Variants in GBE1 observed in about 807,000 individuals in gnomAD.
The protein encoded by GBE1 is 1,4-alpha-glucan branching enzyme 1.
In GBE1, 70 loss-of-function variants were observed where a neutral mutation model predicts 88.8. The ratio of observed to expected loss-of-function variants is 0.79; its 90% CI spans 0.65 to 0.96. The LOEUF (loss-of-function observed/expected upper bound fraction) is 0.96, where lower values mean the gene tolerates loss of function less well. GBE1 is among the 40% of genes least tolerant of loss of function. GBE1 has a pLI of 0.00. For synonymous variants in GBE1, 284 were observed against 300.1 expected, an observed-to-expected ratio of 0.95 and a Z score of 0.56; for missense variants, 872 against 871.0, an observed-to-expected ratio of 1.00 and a Z score of -0.01.
At chr3:81,669,482 C>T (rs533517578) in intron 3 of GBE1, among the ~76,000 whole-genome samples, 1 of 152,172 alleles carries the variant, frequency 6.6e-6, no homozygotes. Flanking sequence ...AAAATTAGCC[C>T]TTATAAACTA....
intron 1 of GBE1, among the ~76,000 whole-genome samples, chr3:81,731,805 G>A (rs1706190653): frequency 6.6e-6 from 1 of 151,968 alleles, no homozygotes. Context: ...GACCTCCCCA[G>A]CCATGCTTCC....
intron 1 of GBE1, among the ~76,000 whole-genome samples, chr3:81,714,673 A>C (rs577338336): frequency 6.6e-6 from 1 of 152,298 alleles, no homozygotes; most frequent in East Asian, 1.9e-4. Flanking sequence ...CTATCTGAAG[A>C]GGCCAGATAC....
At chr3:81,490,863 A>G (rs139150508) in intron 15 of GBE1, among the ~76,000 whole-genome samples, 32 of 151,970 alleles carry the variant, frequency 2.1e-4, no homozygotes, top group African/African-American at 7.7e-4. Context: ...TTTATTTTTA[A>G]TCTTGTTTTT....
At chr3:81,713,817 C>A (rs771563347) in intron 1 of GBE1, among the ~76,000 whole-genome samples, 13 of 152,244 alleles carry the variant, frequency 8.5e-5, no homozygotes, top group Admixed American at 2.6e-4. Context: ...CTTCATCTAT[C>A]AGAAAACAGT....
chr3:81,578,047 A>G lies in GBE1; in HGVS notation c.1496T>C (p.Met499Thr), dbSNP rs1703672969. ...AGTCAGGACACTCATGTTTGTATAC[A>G]TTTCGGCATCCATCAACCAAAATGC... ...SLAFWLMDAE[M>T]YTNMSVLTPF... The change falls in exon 12 of 16, where the codon ATG becomes ACG. Residue 499 changes from methionine (M) to threonine (T), a missense_variant. Met to Thr is a moderately conservative substitution (Grantham distance 81). Coordinates refer to ENST00000429644, the MANE Select transcript of GBE1 (RefSeq NM_000158.4). The G allele has an allele frequency of 6.2e-7, 1 of 1,609,574 alleles. No homozygotes were observed. The highest frequency in any genetic ancestry group is 1.7e-5 in the Admixed American group (1 of 59,252).
At chr3:81,635,641 A>T (rs1242588913) in intron 7 of GBE1, among the ~76,000 whole-genome samples, 1 of 152,146 alleles carries the variant, frequency 6.6e-6, no homozygotes, top group Non-Finnish European at 1.5e-5. Context: ...AGAAAAATTG[A>T]TTTTTTCCCA....
At position 81,508,547 on chromosome 3, in the gene GBE1, T is replaced by A. The variant is rs546604027; in HGVS notation, c.1935-9320A>T. Among the ~76,000 whole-genome samples the A allele has an allele frequency of 6.4e-3, 977 of 152,134 alleles. 12 individuals are homozygous for A. Among genetic ancestry groups the A allele is most frequent in the Middle Eastern group, 0.027 (8 of 294 alleles). Reference sequence around the variant, plus strand: ...CACCCTGCAGACTCAACACTTTTTTTAAAAAAAATTGTGCTTTTAAACTCA... The same window carrying A: ...CACCCTGCAGACTCAACACTTTTTTAAAAAAAAATTGTGCTTTTAAACTCA... On this transcript the variant is annotated intron_variant, in intron 14 of 15. Transcript: ENST00000429644.
intron 1 of GBE1, among the ~76,000 whole-genome samples, chr3:81,731,711 C>A (rs1005416955): frequency 1.3e-5 from 2 of 152,152 alleles, no homozygotes; most frequent in Admixed American, 1.3e-4. Flanking sequence ...TAATACTTCT[C>A]CTTTCACCCT....
chr3:81,584,980 G>A (rs1703782856), intron 10 of GBE1, among the ~76,000 whole-genome samples: 1 of 152,104 alleles, frequency 6.6e-6, no homozygotes, highest in African/African-American at 2.4e-5. Flanking sequence ...AGATGGGGCT[G>A]ATGAGGAACC....
At chr3:81,511,880 A>G (rs932938433) in intron 14 of GBE1, among the ~76,000 whole-genome samples, 1 of 151,862 alleles carries the variant, frequency 6.6e-6, no homozygotes, top group African/African-American at 2.4e-5. Flanking sequence ...AAAAAAAAAA[A>G]AGACATATGC....
intron 14 of GBE1, among the ~76,000 whole-genome samples, chr3:81,521,757 A>G (rs1702877144): frequency 6.6e-6 from 1 of 151,532 alleles, no homozygotes; most frequent in Non-Finnish European, 1.5e-5. Context: ...TTAATATTGT[A>G]CTTTTCCAAG....
intron 2 of GBE1, among the ~76,000 whole-genome samples, chr3:81,686,283 TCTA>T (rs1413674144): frequency 6.6e-6 from 1 of 152,028 alleles, no homozygotes. Flanking sequence ...ATCTACAGCA[TCTA>T]CTACAACATC....
intron 3 of GBE1, chr3:81,654,442 C>T (rs1468747767): frequency 1.3e-5 from 2 of 152,002 alleles, no homozygotes; most frequent in Admixed American, 6.6e-5. Context: ...AGGTGGCCAA[C>T]AGTTTTATAT....
At chr3:81,731,631 A>G (rs1706187493) in intron 1 of GBE1, among the ~76,000 whole-genome samples, 1 of 152,124 alleles carries the variant, frequency 6.6e-6, no homozygotes, top group African/African-American at 2.4e-5. Context: ...ACTGGATCAC[A>G]GGGGCAGATT....
At chr3:81,757,565 TA>T (rs755254299) in intron 1 of GBE1, among the ~76,000 whole-genome samples, 13 of 152,138 alleles carry the variant, frequency 8.5e-5, no homozygotes, top group Non-Finnish European at 1.3e-4. Flanking sequence ...GCTACATACT[TA>T]AAAGTTAGGG....
intron 12 of GBE1, among the ~76,000 whole-genome samples, chr3:81,552,256 G>A (rs1225610780): frequency 4.6e-5 from 7 of 152,132 alleles, no homozygotes; most frequent in East Asian, 1.9e-4. Context: ...GGTGGCTCAC[G>A]CCTGTAATCC....
intron 1 of GBE1, among the ~76,000 whole-genome samples, chr3:81,749,476 G>A (rs1706465460): frequency 6.6e-6 from 1 of 152,198 alleles, no homozygotes; most frequent in Admixed American, 6.5e-5. Context: ...GAGGGGCAAT[G>A]TGAGTATAAA....
intron 10 of GBE1, among the ~76,000 whole-genome samples, chr3:81,585,784 T>A (rs190725386): frequency 1.3e-5 from 2 of 152,204 alleles, no homozygotes; most frequent in African/African-American, 4.8e-5. Context: ...TGAAGTCTAA[T>A]ATGTATTAAA....
chr3:81,612,730 G>T, intron 7 of GBE1: 1 of 470,482 alleles, frequency 2.1e-6, no homozygotes, highest in Admixed American at 2.4e-5. Context: ...TGTTCTTCTT[G>T]TCCCTTTTTA....
Sources: gnomAD v4.1 joint callset for allele counts (sites outside exome capture counted in the v4.1 genomes callset) on GRCh38, gnomAD v4.1.1 for gene constraint, MANE v1.5 for transcripts, NCBI Gene and HGNC (gene_info 2026-07-23, HGNC 2026-07-21) for gene names.